Variants in ZNF609 observed in about 807,000 individuals in gnomAD.
The protein encoded by ZNF609 is zinc finger protein 609.
Under a neutral mutation model 109.5 loss-of-function variants are expected in ZNF609, and 11 were observed. That is an observed-to-expected ratio of 0.10 (90% CI 0.06 to 0.17). The LOEUF is 0.17. ZNF609 is among the 10% of genes least tolerant of loss of function. The pLI, the probability that ZNF609 is intolerant of heterozygous loss-of-function variation, is 1.00. For synonymous variants in ZNF609, 646 were observed against 662.0 expected (o/e 0.98, Z 0.37); for missense variants, 1,559 against 1,772.4 (o/e 0.88, Z 2.16).
At chr15:64,605,121 G>T (rs1048806209) in intron 2 of ZNF609, among the ~76,000 whole-genome samples, 1 of 152,070 alleles carries the variant, frequency 6.6e-6, no homozygotes, top group Admixed American at 6.6e-5. Context: ...ATAAGCCACC[G>T]TGCCCGGCCT....
At chr15:64,631,089 T>TA in intron 3 of ZNF609, 1 of 451,818 alleles carries the variant, frequency 2.2e-6, no homozygotes, top group South Asian at 1.9e-5. Context: ...TCCTGAGGTC[T>TA]TTTATTTTTT....
At chr15:64,516,240 A>T (rs1893806622) in intron 2 of ZNF609, among the ~76,000 whole-genome samples, 1 of 152,146 alleles carries the variant, frequency 6.6e-6, no homozygotes, top group Non-Finnish European at 1.5e-5. Context: ...GGCCAATCCT[A>T]CTTTAATCTC....
intron 2 of ZNF609, among the ~76,000 whole-genome samples, chr15:64,598,742 G>GTATATATATATA (rs1169879124): frequency 5.0e-5 from 3 of 60,274 alleles, no homozygotes; most frequent in Non-Finnish European, 9.2e-5. Flanking sequence ...CTTTGTGTGT[G>GTATATATATATA]TATATATATA....
At chr15:64,541,765 G>A (rs1458811127) in intron 2 of ZNF609, among the ~76,000 whole-genome samples, 1 of 149,862 alleles carries the variant, frequency 6.7e-6, no homozygotes, top group Non-Finnish European at 1.5e-5. Context: ...GCGTGAACCC[G>A]GGAGGCAGAG....
At chr15:64,464,603 CAAA>C (rs1892984791) in intron 1 of ZNF609, among the ~76,000 whole-genome samples, 1 of 152,060 alleles carries the variant, frequency 6.6e-6, no homozygotes, top group Admixed American at 6.6e-5. Flanking sequence ...AGAAAACAAA[CAAA>C]AACCCCACAA....
At position 64,588,426 on chromosome 15, in the gene ZNF609, T is replaced by TAAAAAAAAA. The variant is rs1167575851; in HGVS notation, c.748-34391_748-34383dup. On this transcript the variant is annotated intron_variant, in intron 2 of 9. Coordinates refer to ENST00000326648, the MANE Select transcript of ZNF609 (RefSeq NM_015042.2). ...CTGCGTAACAGAGCGACACTCTGTC[T>TAAAAAAAAA]AAAAAAAAAAAAAAAAAAGAAGAGG... Among the ~76,000 whole-genome samples, 13 of 5,902 alleles carry TAAAAAAAAA rather than the reference T, an allele frequency of 2.2e-3. 1 individual carries two copies. Among genetic ancestry groups the TAAAAAAAAA allele is most frequent in the African/African-American group, 4.4e-3 (13 of 2,950 alleles). 3.9% of individuals were successfully genotyped at this position (5,902 alleles called of 152,430 possible). A position where few individuals can be genotyped will look rare whatever the true frequency, so the allele number is the denominator to read the frequency against.
At chr15:64,668,952 C>CAAAAA (rs538954402) in intron 3 of ZNF609, among the ~76,000 whole-genome samples, 9 of 34,870 alleles carry the variant, frequency 2.6e-4, no homozygotes, top group Middle Eastern at 0.014. Flanking sequence ...AACTCCGTCT[C>CAAAAA]AAAAAAAAAA....
chr15:64,627,466 A>G (rs1895983176), intron 3 of ZNF609, among the ~76,000 whole-genome samples: 1 of 152,080 alleles, frequency 6.6e-6, no homozygotes, highest in African/African-American at 2.4e-5. Context: ...TACTTTGGCA[A>G]ATGTGCTTTA....
At chr15:64,593,250 C>G in intron 2 of ZNF609, 1 of 1,518,340 alleles carries the variant, frequency 6.6e-7, no homozygotes, top group African/African-American at 1.4e-5. Flanking sequence ...TCTCGTGAAG[C>G]CCGCAAGGAC....
chr15:64,592,968 G>A (rs1019051773), intron 2 of ZNF609: 36 of 1,087,424 alleles, frequency 3.3e-5, no homozygotes, highest in African/African-American at 2.1e-4. Context: ...TCTCCGGTCC[G>A]TGCCTCCAAG....
chr15:64,536,187 A>AT (rs925654006), intron 2 of ZNF609, among the ~76,000 whole-genome samples: 2 of 151,934 alleles, frequency 1.3e-5, no homozygotes, highest in African/African-American at 2.4e-5. Flanking sequence ...CACCTGGCTA[A>AT]TTTTTTTATT....
At chr15:64,478,875 T>C (rs189674621) in intron 1 of ZNF609, among the ~76,000 whole-genome samples, 3 of 152,322 alleles carry the variant, frequency 2.0e-5, no homozygotes, top group African/African-American at 7.2e-5. Context: ...ATATTACTGA[T>C]ATTGTGAATT....
At chr15:64,555,071 G>C (rs1211945064) in intron 2 of ZNF609, among the ~76,000 whole-genome samples, 1 of 145,704 alleles carries the variant, frequency 6.9e-6, no homozygotes, top group African/African-American at 2.5e-5. Context: ...ACTCCAACCT[G>C]AGCAACAGAA....
intron 2 of ZNF609, chr15:64,500,508 T>C (rs1026670951): frequency 2.0e-4 from 122 of 615,946 alleles, no homozygotes; most frequent in African/African-American, 2.0e-3. Flanking sequence ...AGACCTTTAT[T>C]TGTTTCCCAG....
chr15:64,503,549 G>T (rs957078014), intron 2 of ZNF609, among the ~76,000 whole-genome samples: 3 of 152,156 alleles, frequency 2.0e-5, no homozygotes, highest in South Asian at 4.1e-4. Context: ...AGATGGCAAC[G>T]ATCTATCTGT....
intron 2 of ZNF609, among the ~76,000 whole-genome samples, chr15:64,568,027 A>G (rs114975286): frequency 0.013 from 1,979 of 152,256 alleles, 33 homozygotes; most frequent in African/African-American, 0.046. Flanking sequence ...GTTAAGTAAA[A>G]TGATCACCCA....
intron 2 of ZNF609, among the ~76,000 whole-genome samples, chr15:64,563,834 G>T (rs1894730050): frequency 6.6e-6 from 1 of 152,056 alleles, no homozygotes; most frequent in African/African-American, 2.4e-5. Context: ...TAATATATAT[G>T]TAATCCCTCC....
rs1853173756 is a variant in ZNF609 at position 64,656,145 on chromosome 15, C to A, written c.974-14201C>A. On this transcript the variant is annotated intron_variant, in intron 3 of 9. Transcript: ENST00000326648. ...ATGGCGCGATCTTGGCCCACTGCAA[C>A]CTCCGCCTCCCGTGTTCAGGCAATT... 3.3e-5 allele frequency among the ~76,000 whole-genome samples: 5 copies of A among 152,026 alleles called. No individual in the cohort carries two copies. The South Asian group carries it at 1.0e-3, about 32-fold the overall frequency.
intron 2 of ZNF609, among the ~76,000 whole-genome samples, chr15:64,587,005 A>T (rs1379542797): frequency 6.6e-6 from 1 of 152,136 alleles, no homozygotes; most frequent in Non-Finnish European, 1.5e-5. Flanking sequence ...TCTTCCTATA[A>T]GTTGTTATCT....
Sources: gnomAD v4.1 joint callset for allele counts (sites outside exome capture counted in the v4.1 genomes callset) on GRCh38, gnomAD v4.1.1 for gene constraint, MANE v1.5 for transcripts, NCBI Gene and HGNC (gene_info 2026-07-23, HGNC 2026-07-21) for gene names.